HNRNPD: variants seen among roughly 807,000 people sequenced by gnomAD.
HNRNPD encodes the protein heterogeneous nuclear ribonucleoprotein D0.
A neutral mutation model predicts 47.9 loss-of-function variants in HNRNPD; 3 were observed. The observed-to-expected ratio is 0.06, with a 90% CI of 0.03 to 0.16. The LOEUF is 0.16. Ranked by LOEUF, HNRNPD falls within the 10% of genes least tolerant of loss-of-function variation. The pLI, the probability that HNRNPD is intolerant of heterozygous loss-of-function variation, is 1.00. For missense variants in HNRNPD, 287 were observed against 454.2 expected (o/e 0.63, Z 3.35); for synonymous variants, 171 against 165.1 (o/e 1.04, Z -0.28).
intron 2 of HNRNPD, among the ~76,000 whole-genome samples, chr4:82,367,910 C>T (rs1486019759): frequency 6.6e-6 from 1 of 152,118 alleles, no homozygotes; most frequent in Non-Finnish European, 1.5e-5. Flanking sequence ...GCATTGTTTC[C>T]AACACATAGA....
In HNRNPD at chr4:82,373,521, G is replaced by A. The variant is rs1720232959; in HGVS notation, c.158C>T (p.Ser53Phe). ...GGCGCTGCCCCCTTCGGTGCCTCCA[G>A]ACGCGGTTCCGCCCCCGGTCCCGGC... ...SGAGTGGGTA[S>F]GGTEGGSAES... The change falls in exon 1 of 9, where the codon TCT (serine) becomes TTT (phenylalanine). Residue 53 changes from serine to phenylalanine, a missense_variant. Around this residue, in one of 5 missense-constraint regions of HNRNPD, gnomAD observed 161 missense variants for 137.1 expected, o/e 1.17. Coordinates refer to ENST00000313899, the MANE Select transcript of HNRNPD (RefSeq NM_031370.3). 1.3e-6 allele frequency: 2 copies of A among 1,542,926 alleles called. No homozygotes were observed. The highest frequency in any genetic ancestry group is 1.7e-6 in the Non-Finnish European group (2 of 1,143,888).
At position 82,360,548 on chromosome 4, in the gene HNRNPD, G is replaced by A. The variant is rs115165245; in HGVS notation, c.291-909C>T. ...ACCCTTTAAAAAGACAGGACTGGAG[G>A]TTTTTAATTTTAAGGGTAAACTGTC... On this transcript the variant is annotated intron_variant, in intron 2 of 8. Coordinates refer to ENST00000313899, the MANE Select transcript of HNRNPD (RefSeq NM_031370.3). 9.1e-3 allele frequency among the ~76,000 whole-genome samples: 1,379 copies of A among 152,144 alleles called. 24 individuals are homozygous for A. Among genetic ancestry groups the A allele is most frequent in the African/African-American group, 0.031 (1,303 of 41,520 alleles).
At position 82,365,102 on chromosome 4, in the gene HNRNPD, G is replaced by A. The variant is rs114741387; in HGVS notation, c.291-5463C>T. The stretch of plus-strand genomic sequence containing the variant: ...GACGAGATCTTGCTCTGTTACCCAG[G>A]CTAGTCACAGAACTCCTGGACATAG... On this transcript the variant is annotated intron_variant, in intron 2 of 8. Coordinates refer to ENST00000313899, the MANE Select transcript of HNRNPD (RefSeq NM_031370.3). Among the ~76,000 whole-genome samples the A allele has an allele frequency of 7.0e-3, 1,064 of 152,054 alleles. 14 individuals are homozygous for A. The highest frequency in any genetic ancestry group is 0.024 in the African/African-American group (1,015 of 41,456).
At chr4:82,371,426 A>C (rs1275512526) in intron 2 of HNRNPD, 102 bp downstream of exon 2, 1 of 883,454 alleles carries the variant, frequency 1.1e-6, no homozygotes, top group Non-Finnish European at 1.8e-6. Flanking sequence ...ACTATGGTCT[A>C]GAATTTCCTG....
In HNRNPD at chr4:82,353,578, AT is replaced by A. The variant is rs1386647289; in HGVS notation, c.*606del. 1 of 152,676 alleles carries A rather than the reference AT, an allele frequency of 6.5e-6. No individual in the cohort carries two copies. The highest frequency in any genetic ancestry group is 1.9e-4 in the East Asian group (1 of 5,202). 9.5% of individuals were successfully genotyped at this position (152,676 alleles called of 1,614,324 possible). A position where few individuals can be genotyped will look rare whatever the true frequency, so the allele number is the denominator to read the frequency against. On this transcript the variant is annotated 3_prime_UTR_variant, in exon 9 of 9. Transcript: ENST00000313899. ...AAACTGGGCATTTGGGAAAATATTC[AT>A]ATAAATCTTAATGGCTACATAAGGA...
At chr4:82,370,584 C>A (rs1719992952) in intron 2 of HNRNPD, among the ~76,000 whole-genome samples, 1 of 151,890 alleles carries the variant, frequency 6.6e-6, no homozygotes, top group African/African-American at 2.4e-5. Flanking sequence ...TGCTTTTTCT[C>A]CAAGGTAAAG....
chr4:82,372,550 A>G (rs992952074), intron 1 of HNRNPD, among the ~76,000 whole-genome samples: 37 of 152,306 alleles, frequency 2.4e-4, no homozygotes, highest in Non-Finnish European at 3.8e-4. Flanking sequence ...GTAAAAAATT[A>G]GGTTGCACAT....
At chr4:82,359,135 G>A (rs1313611404) in intron 3 of HNRNPD, among the ~76,000 whole-genome samples, 6 of 151,896 alleles carry the variant, frequency 4.0e-5, no homozygotes, top group African/African-American at 1.5e-4. Context: ...TTTAGCCCAG[G>A]ATCAAAATAA....
In HNRNPD at chr4:82,373,333, G is replaced by A. The variant is rs1048927358; in HGVS notation, c.233+113C>T. On this transcript the variant is annotated intron_variant, in intron 1 of 8. Transcript: ENST00000313899. ...AAAGGGAGACCAGTGCAAGGAGGCT[G>A]CATGGGGGCCCGGAGAACGGGCTGA... The A allele has an allele frequency of 4.3e-6, 6 of 1,393,064 alleles. No homozygotes were observed. The African/African-American group carries it at 4.4e-5, about 10-fold the overall frequency. 86.3% of individuals were successfully genotyped at this position (1,393,064 alleles called of 1,614,324 possible).
At chr4:82,355,043 A>G in intron 8 of HNRNPD, 2 of 457,744 alleles carry the variant, frequency 4.4e-6, no homozygotes, top group South Asian at 5.2e-5. Context: ...GTTAGTAGGC[A>G]ATACTTTTTT....
Position 82,353,730 on chromosome 4 carries a change from A to T in HNRNPD, c.*455T>A, listed in dbSNP as rs1723606121. The T allele has an allele frequency of 6.5e-6, 1 of 152,770 alleles. No individual in the cohort carries two copies. Among genetic ancestry groups the T allele is most frequent in the African/African-American group, 2.4e-5 (1 of 41,590 alleles). The allele number at this position is 152,770 out of a possible 1,614,324, so 9.5% of individuals were successfully genotyped here. A position where few individuals can be genotyped will look rare whatever the true frequency, so the allele number is the denominator to read the frequency against. On this transcript the variant is annotated 3_prime_UTR_variant, in exon 9 of 9. Coordinates refer to ENST00000313899, the MANE Select transcript of HNRNPD (RefSeq NM_031370.3). Reference sequence around the variant, plus strand: ...TTCAAACTTCACTGCAATTTTAATCATGTCCTCAATTTCGGCAAGCCTGTC... The same window carrying T: ...TTCAAACTTCACTGCAATTTTAATCTTGTCCTCAATTTCGGCAAGCCTGTC...
At chr4:82,373,059 T>C (rs1389112958) in intron 1 of HNRNPD, 1 of 455,728 alleles carries the variant, frequency 2.2e-6, no homozygotes. Context: ...TCTGTGTTTT[T>C]ATGCCCAAGA....
chr4:82,362,840 T>C (rs1719543025), intron 2 of HNRNPD, among the ~76,000 whole-genome samples: 1 of 151,908 alleles, frequency 6.6e-6, no homozygotes, highest in African/African-American at 2.4e-5. Flanking sequence ...CCTCAAGTGA[T>C]CCGCCCGCTC....
intron 1 of HNRNPD, 198 bp downstream of exon 1, chr4:82,373,247 AG>A (rs1720173241): frequency 1.5e-5 from 11 of 746,938 alleles, no homozygotes; most frequent in South Asian, 1.4e-4. Flanking sequence ...GTGATGGGGG[AG>A]GGGGGCGATA....
intron 2 of HNRNPD, among the ~76,000 whole-genome samples, chr4:82,370,347 A>T (rs1719976413): frequency 6.6e-6 from 1 of 152,194 alleles, no homozygotes; most frequent in African/African-American, 2.4e-5. Context: ...ATTTAAGTTT[A>T]TGGTCATTTC....
chr4:82,368,367 A>G (rs1015659573), intron 2 of HNRNPD, among the ~76,000 whole-genome samples: 3 of 152,136 alleles, frequency 2.0e-5, no homozygotes, highest in Admixed American at 2.0e-4. Context: ...AATATTAAAA[A>G]CATACACTGA....
At position 82,373,836 on chromosome 4, in the gene HNRNPD, G is replaced by A; in HGVS notation, c.-158C>T. The A allele has an allele frequency of 1.4e-6, 2 of 1,456,714 alleles. No individual in the cohort carries two copies. The highest frequency in any genetic ancestry group is 1.8e-6 in the Non-Finnish European group (2 of 1,100,058). The allele number at this position is 1,456,714 out of a possible 1,614,324, so 90.2% of individuals were successfully genotyped here. ...CGCGCGTGGCTGCAAAGGCTCCTGC[G>A]CCTCTCCCTGGCCTGCCCCCTTCGC... On this transcript the variant is annotated 5_prime_UTR_variant, in exon 1 of 9. Transcript: ENST00000313899.
Position 82,373,864 on chromosome 4 carries a change from C to T in HNRNPD, c.-186G>A, listed in dbSNP as rs1420165289. ...TCTCCCTGGCCTGCCCCCTTCGCCT[C>T]CCACTCTCGCGCGGCGCACACTCCC... On this transcript the variant is annotated 5_prime_UTR_variant, in exon 1 of 9. Coordinates refer to ENST00000313899, the MANE Select transcript of HNRNPD (RefSeq NM_031370.3). 2.3e-6 allele frequency: 3 copies of T among 1,327,328 alleles called. No homozygotes were observed. The highest frequency in any genetic ancestry group is 3.0e-6 in the Non-Finnish European group (3 of 1,008,524). 82.2% of individuals were successfully genotyped at this position (1,327,328 alleles called of 1,614,324 possible).
intron 1 of HNRNPD, 84 bp downstream of exon 1, chr4:82,373,362 C>T: frequency 3.5e-6 from 5 of 1,429,282 alleles, no homozygotes; most frequent in South Asian, 1.5e-5. Context: ...GGGCTGAGAG[C>T]GGGAACCAGG....
Sources: allele counts gnomAD v4.1 joint callset (sites outside exome capture counted in the v4.1 genomes callset), GRCh38; gene constraint gnomAD v4.1.1; regional missense constraint gnomAD v4.1.1; transcripts MANE v1.5; gene names NCBI Gene and HGNC (gene_info 2026-07-23, HGNC 2026-07-21).